The following ANKRD11 variants were observed in gnomAD, a reference collection of about 807,000 sequenced individuals.
The protein encoded by ANKRD11 is ankyrin repeat domain-containing protein 11.
Under a neutral mutation model 195.7 loss-of-function variants are expected in ANKRD11, and 17 were observed. The observed-to-expected ratio is 0.09, with a 90% CI of 0.06 to 0.13. The LOEUF (loss-of-function observed/expected upper bound fraction) is 0.13. ANKRD11 is among the 10% of genes least tolerant of loss of function. The pLI is 1.00. For synonymous variants in ANKRD11, 1,953 were observed against 1,528.1 expected (o/e 1.28, Z -6.49); for missense variants, 3,735 against 3,566.1 (o/e 1.05, Z -1.21).
chr16:89,414,623 G>A (rs932290559), intron 2 of ANKRD11, among the ~76,000 whole-genome samples: 1 of 152,204 alleles, frequency 6.6e-6, no homozygotes, highest in Non-Finnish European at 1.5e-5. Context: ...CACTGTCCTG[G>A]GTAGGAGACT....
At chr16:89,356,643 T>C (rs1046299937) in intron 2 of ANKRD11, among the ~76,000 whole-genome samples, 2 of 142,874 alleles carry the variant, frequency 1.4e-5, no homozygotes, top group African/African-American at 2.6e-5. Flanking sequence ...TAGCCAGGCG[T>C]GGTGGTGGGT....
Position 89,275,319 on chromosome 16 carries a change from C to A in ANKRD11, c.7471-128G>T, listed in dbSNP as rs2033557935. 8 of 724,004 alleles carry A rather than the reference C, an allele frequency of 1.1e-5. No homozygotes were observed. The South Asian group carries it at 1.4e-4, about 13-fold the overall frequency. The allele number at this position is 724,004 out of a possible 1,614,324, so 44.8% of individuals were successfully genotyped here. On this transcript the variant is annotated intron_variant, in intron 9 of 12. Transcript: ENST00000301030. ...TAGGAGCCTGCCCTGGAGGCCTCCT[C>A]CAGTCCCAGCAACAGACACACCAGG...
intron 1 of ANKRD11, among the ~76,000 whole-genome samples, chr16:89,449,884 T>A (rs200202550): frequency 6.9e-6 from 1 of 144,776 alleles, no homozygotes; most frequent in Non-Finnish European, 1.5e-5. Flanking sequence ...ATCAAAGTCA[T>A]AGACAGGCAG....
chr16:89,465,064 A>G (rs1440294903), intron 1 of ANKRD11, among the ~76,000 whole-genome samples: 3 of 152,226 alleles, frequency 2.0e-5, no homozygotes, highest in Non-Finnish European at 4.4e-5. Flanking sequence ...TGAAATTCTA[A>G]TTTCAGTGTT....
At chr16:89,474,289 G>A (rs776321443) in intron 1 of ANKRD11, among the ~76,000 whole-genome samples, 13 of 152,024 alleles carry the variant, frequency 8.6e-5, no homozygotes, top group Non-Finnish European at 1.2e-4. Flanking sequence ...GATAATAAAT[G>A]TGTTGTGTGT....
At chr16:89,476,051 CAAA>C (rs558174138) in intron 1 of ANKRD11, among the ~76,000 whole-genome samples, 6 of 66,210 alleles carry the variant, frequency 9.1e-5, no homozygotes, top group Non-Finnish European at 6.0e-5. Context: ...GACTGTGTCT[CAAA>C]AAAAAAAAAA....
chr16:89,347,071 G>C (rs1162479590), intron 2 of ANKRD11, among the ~76,000 whole-genome samples: 1 of 152,150 alleles, frequency 6.6e-6, no homozygotes, highest in African/African-American at 2.4e-5. Context: ...CCAGCTAAAG[G>C]GGGTGACTGA....
chr16:89,440,303 A>C (rs1189798242), intron 1 of ANKRD11, among the ~76,000 whole-genome samples: 2 of 152,226 alleles, frequency 1.3e-5, no homozygotes, highest in African/African-American at 4.8e-5. Flanking sequence ...AACTAGGAAA[A>C]GCAGACCACC....
At chr16:89,297,439 T>C (rs1252620841) in intron 4 of ANKRD11, 2 of 152,086 alleles carry the variant, frequency 1.3e-5, no homozygotes, top group Non-Finnish European at 2.9e-5. Flanking sequence ...TGCTCACAGA[T>C]TCTCTTCCAT....
At chr16:89,277,654 C>T (rs977267616) in intron 9 of ANKRD11, 4 of 152,290 alleles carry the variant, frequency 2.6e-5, no homozygotes. Context: ...CCGGGGACGG[C>T]TGGGGTCAGG....
chr16:89,357,799 C>T (rs1165713772), intron 2 of ANKRD11, among the ~76,000 whole-genome samples: 1 of 152,208 alleles, frequency 6.6e-6, no homozygotes, highest in South Asian at 2.1e-4. Flanking sequence ...CACTGCTCAT[C>T]GGCAAGCCAA....
At chr16:89,437,303 C>CA (rs1175761023) in intron 1 of ANKRD11, among the ~76,000 whole-genome samples, 4 of 152,076 alleles carry the variant, frequency 2.6e-5, no homozygotes, top group South Asian at 2.1e-4. Flanking sequence ...AAAAAGCCAC[C>CA]AAAAAAATAC....
chr16:89,456,504 C>T (rs1191082471), intron 1 of ANKRD11, among the ~76,000 whole-genome samples: 3 of 150,454 alleles, frequency 2.0e-5, no homozygotes, highest in African/African-American at 4.9e-5. Context: ...GCCGAGATCA[C>T]GCCACTCCAG....
At chr16:89,478,056 A>T (rs536330365) in intron 1 of ANKRD11, among the ~76,000 whole-genome samples, 244 of 152,334 alleles carry the variant, frequency 1.6e-3, no homozygotes, top group Non-Finnish European at 2.8e-3. Context: ...GAAGCCCAAA[A>T]AATCAAAAAA....
At chr16:89,370,521 G>C (rs983255653) in intron 2 of ANKRD11, among the ~76,000 whole-genome samples, 3 of 152,204 alleles carry the variant, frequency 2.0e-5, no homozygotes, top group Admixed American at 6.5e-5. Context: ...GAGAAGACCA[G>C]AGGCTGGAGC....
intron 2 of ANKRD11, among the ~76,000 whole-genome samples, chr16:89,367,529 G>A (rs920334230): frequency 2.0e-5 from 3 of 152,134 alleles, no homozygotes; most frequent in Non-Finnish European, 4.4e-5. Flanking sequence ...CTTAGGCCAC[G>A]GCACACACCA....
chr16:89,441,492 G>A (rs938559935), intron 1 of ANKRD11, among the ~76,000 whole-genome samples: 4 of 151,492 alleles, frequency 2.6e-5, no homozygotes, highest in South Asian at 2.1e-4. Context: ...ACCTGGCCGG[G>A]CGCGGTGGCT....
At chr16:89,488,128 AC>A (rs1415155205) in intron 1 of ANKRD11, among the ~76,000 whole-genome samples, 3 of 152,214 alleles carry the variant, frequency 2.0e-5, no homozygotes, top group Admixed American at 6.5e-5. Context: ...ATATTTTACT[AC>A]AGCAAAAATA....
Position 89,417,722 on chromosome 16 carries a change from A to C in ANKRD11, c.-60+562T>G, listed in dbSNP as rs1314853567. On this transcript the variant is annotated intron_variant, in intron 2 of 12. Coordinates refer to ENST00000301030, the MANE Select transcript of ANKRD11 (RefSeq NM_013275.6). ...GCGAGACCACCAGGAACCTAACAAG[A>C]GCACAACAGCTCCCAGGATACAGAA... 2.0e-5 allele frequency among the ~76,000 whole-genome samples: 3 copies of C among 152,084 alleles called. No homozygotes were observed. The East Asian group carries it at 5.8e-4, about 29-fold the overall frequency.
Sources: gnomAD v4.1 joint callset for allele counts (sites outside exome capture counted in the v4.1 genomes callset) on GRCh38, gnomAD v4.1.1 for gene constraint, MANE v1.5 for transcripts, NCBI Gene and HGNC (gene_info 2026-07-23, HGNC 2026-07-21) for gene names.